CPEB3: variants seen among roughly 807,000 people sequenced by gnomAD.
CPEB3 encodes cytoplasmic polyadenylation element-binding protein 3.
In CPEB3, 20 loss-of-function variants were observed where a neutral mutation model predicts 67.2. The ratio of observed to expected loss-of-function variants is 0.30; its 90% CI spans 0.21 to 0.43. CPEB3 has a LOEUF of 0.43. Among genes scored for constraint, CPEB3 ranks in the 20% least tolerant of loss-of-function variants. The pLI is 1.00. For synonymous variants in CPEB3, 376 were observed against 393.1 expected, an observed-to-expected ratio of 0.96 and a Z score of 0.51; for missense variants, 746 against 968.6, an observed-to-expected ratio of 0.77 and a Z score of 3.05.
chr10:92,258,721 A>T (rs1265371635), intron 1 of CPEB3, among the ~76,000 whole-genome samples: 1 of 130,904 alleles, frequency 7.6e-6, no homozygotes, highest in Non-Finnish European at 1.6e-5. Context: ...AATGTTCACT[A>T]GATCAGATAT....
In CPEB3 at chr10:92,239,192, A is replaced by G. The variant is rs1226620691; in HGVS notation, c.1005+154T>C. On this transcript the variant is annotated intron_variant, in intron 2 of 9. Transcript: ENST00000265997. This position sits in a 1 kb window ranked among gnomAD's most constrained non-coding sequence, Gnocchi z 6.0. Reference sequence around the variant, plus strand: ...TCCCAACCTCATCCTCTGATAATGGAACAGCCCTAAAGAACTGGAGGCTTC... The same window carrying G: ...TCCCAACCTCATCCTCTGATAATGGGACAGCCCTAAAGAACTGGAGGCTTC... 6.6e-6 allele frequency among the ~76,000 whole-genome samples: 1 copy of G among 152,208 alleles called. No individual in the cohort carries two copies. The highest frequency in any genetic ancestry group is 1.5e-5 in the Non-Finnish European group (1 of 68,040).
intron 7 of CPEB3, among the ~76,000 whole-genome samples, chr10:92,094,327 G>A (rs1385206053): frequency 6.6e-6 from 1 of 152,048 alleles, no homozygotes. Flanking sequence ...TTCTGGCTGG[G>A]CGCTGTGGCT....
At chr10:92,185,708 T>C (rs533824896) in intron 3 of CPEB3, among the ~76,000 whole-genome samples, 15 of 152,308 alleles carry the variant, frequency 9.8e-5, no homozygotes, top group African/African-American at 3.1e-4. Flanking sequence ...TGTAACAGAA[T>C]GTTAGTGCCA....
At chr10:92,208,447 G>T (rs967889106) in intron 2 of CPEB3, among the ~76,000 whole-genome samples, 1 of 152,130 alleles carries the variant, frequency 6.6e-6, no homozygotes, top group Non-Finnish European at 1.5e-5. Context: ...TTATGTAGAA[G>T]AAACTTGCTA....
At chr10:92,246,646 T>A (rs893637517) in intron 1 of CPEB3, among the ~76,000 whole-genome samples, 1 of 151,142 alleles carries the variant, frequency 6.6e-6, no homozygotes, top group African/African-American at 2.4e-5. Context: ...GTAGCTGGGG[T>A]TTCAGGCACC....
intron 1 of CPEB3, among the ~76,000 whole-genome samples, chr10:92,268,029 G>A (rs1389103003): frequency 6.6e-6 from 1 of 151,994 alleles, no homozygotes; most frequent in Non-Finnish European, 1.5e-5. Flanking sequence ...CGTCGGCCAG[G>A]ATGGTCTCGA....
intron 2 of CPEB3, chr10:92,216,676 T>A: frequency 6.2e-7 from 1 of 1,606,646 alleles, no homozygotes; most frequent in Non-Finnish European, 8.5e-7. Context: ...CGGACCTGGG[T>A]GCAGCCACAG....
chr10:92,250,986 C>T (rs1852277179), intron 1 of CPEB3, among the ~76,000 whole-genome samples: 1 of 150,324 alleles, frequency 6.7e-6, no homozygotes, highest in African/African-American at 2.5e-5. Context: ...CCACCTCAGC[C>T]TCCCAAAGTG....
At chr10:92,235,371 G>A (rs1414829556) in intron 2 of CPEB3, among the ~76,000 whole-genome samples, 3 of 151,964 alleles carry the variant, frequency 2.0e-5, no homozygotes, top group East Asian at 1.9e-4. Flanking sequence ...ACTTGAACCC[G>A]GGAGGTGGAG....
intron 3 of CPEB3, among the ~76,000 whole-genome samples, chr10:92,183,694 A>C (rs540720331): frequency 6.6e-6 from 1 of 152,336 alleles, no homozygotes; most frequent in Non-Finnish European, 1.5e-5. Context: ...TCAGAACTTA[A>C]GGAAATCGCA....
intron 2 of CPEB3, among the ~76,000 whole-genome samples, chr10:92,221,954 T>A (rs935383165): frequency 6.6e-6 from 1 of 152,206 alleles, no homozygotes; most frequent in Non-Finnish European, 1.5e-5. Context: ...AGCTAGTGCC[T>A]TTATCTTGGA....
At chr10:92,102,594 G>GAACAATTCT (rs1283837125) in intron 7 of CPEB3, among the ~76,000 whole-genome samples, 2 of 152,090 alleles carry the variant, frequency 1.3e-5, no homozygotes, top group African/African-American at 4.8e-5. Context: ...CGAACAATTC[G>GAACAATTCT]GTATACTGTT....
chr10:92,106,113 G>A (rs897502659), intron 7 of CPEB3, among the ~76,000 whole-genome samples: 3 of 151,710 alleles, frequency 2.0e-5, no homozygotes, highest in African/African-American at 7.3e-5. Flanking sequence ...GGCTGGTCTC[G>A]AACTCCTGAC....
chr10:92,214,586 G>A (rs987234385), intron 2 of CPEB3, among the ~76,000 whole-genome samples: 1 of 151,876 alleles, frequency 6.6e-6, no homozygotes, highest in Non-Finnish European at 1.5e-5. Context: ...AGGTTCAAGC[G>A]ATTCTCCTGC....
At chr10:92,148,473 T>G (rs535577701) in intron 4 of CPEB3, among the ~76,000 whole-genome samples, 29 of 152,158 alleles carry the variant, frequency 1.9e-4, no homozygotes, top group Non-Finnish European at 3.2e-4. Context: ...CCCTTTTCTA[T>G]CCACACACAG....
At chr10:92,235,969 T>C (rs1390616054) in intron 2 of CPEB3, among the ~76,000 whole-genome samples, 2 of 152,192 alleles carry the variant, frequency 1.3e-5, no homozygotes, top group Non-Finnish European at 2.9e-5. Context: ...TTGTGGGTTT[T>C]GCCATTACTT....
chr10:92,199,415 A>G (rs11812674), intron 2 of CPEB3, among the ~76,000 whole-genome samples: 15,328 of 138,884 alleles, frequency 0.11, 2,762 homozygotes, highest in African/African-American at 0.38. Context: ...AAAAAAGGCC[A>G]GGCGCGGTGG....
chr10:92,228,515 G>A (rs888652128), intron 2 of CPEB3, among the ~76,000 whole-genome samples: 4 of 151,964 alleles, frequency 2.6e-5, no homozygotes, highest in Non-Finnish European at 4.4e-5. Flanking sequence ...TAGGGGGTTC[G>A]ATTGTCAGAT....
intron 2 of CPEB3, among the ~76,000 whole-genome samples, chr10:92,196,252 G>A (rs1174497361): frequency 6.6e-6 from 1 of 152,180 alleles, no homozygotes. Flanking sequence ...TAAAGTGAGG[G>A]CAGGGACTAG....
Sources: allele counts gnomAD v4.1 joint callset (sites outside exome capture counted in the v4.1 genomes callset), GRCh38; gene constraint gnomAD v4.1.1; non-coding constraint Gnocchi (gnomAD v3.1); transcripts MANE v1.5; gene names NCBI Gene and HGNC (gene_info 2026-07-23, HGNC 2026-07-21).